SLCO5A1: variants seen among roughly 807,000 people sequenced by gnomAD.
The protein encoded by SLCO5A1 is organic anion transporter polypeptide-related protein 4.
Under a neutral mutation model 65.1 loss-of-function variants are expected in SLCO5A1, and 39 were observed. That is an observed-to-expected ratio of 0.60 (90% confidence interval 0.46 to 0.78). The LOEUF (loss-of-function observed/expected upper bound fraction) is 0.78, where lower values mean the gene tolerates loss of function less well. Ranked by LOEUF, SLCO5A1 falls within the 30% of genes least tolerant of loss-of-function variation. The pLI is 0.00. For synonymous variants in SLCO5A1, 438 were observed against 415.7 expected (o/e 1.05, Z -0.65); for missense variants, 1,029 against 1,069.4 (o/e 0.96, Z 0.53).
chr8:69,717,439 C>T (rs543949400), intron 5 of SLCO5A1, among the ~76,000 whole-genome samples: 6 of 152,264 alleles, frequency 3.9e-5, no homozygotes, highest in African/African-American at 1.4e-4. Flanking sequence ...GGGTCTCTAC[C>T]CTATTTTACT....
At chr8:69,683,096 A>G (rs1696879183) in intron 6 of SLCO5A1, among the ~76,000 whole-genome samples, 1 of 152,188 alleles carries the variant, frequency 6.6e-6, no homozygotes, top group Admixed American at 6.5e-5. Context: ...TTCAGGCAAC[A>G]AATATAGAGG....
intron 2 of SLCO5A1, among the ~76,000 whole-genome samples, chr8:69,777,813 AC>A (rs2130879749): frequency 6.6e-6 from 1 of 152,306 alleles, no homozygotes; most frequent in Non-Finnish European, 1.5e-5. Flanking sequence ...GGTCGTCGTG[AC>A]TGGATGCCAG....
At chr8:69,691,503 C>T (rs146582231) in intron 6 of SLCO5A1, among the ~76,000 whole-genome samples, 348 of 152,246 alleles carry the variant, frequency 2.3e-3, no homozygotes, top group African/African-American at 8.0e-3. Context: ...AACCCTTTTC[C>T]CAATCGCCCC....
chr8:69,683,595 C>T (rs963886076), intron 6 of SLCO5A1, among the ~76,000 whole-genome samples: 4 of 151,422 alleles, frequency 2.6e-5, no homozygotes, highest in African/African-American at 4.9e-5. Context: ...AGGAGTCTCA[C>T]TCTGTCGCCC....
intron 2 of SLCO5A1, among the ~76,000 whole-genome samples, chr8:69,786,816 C>T (rs2130888643): frequency 6.6e-6 from 1 of 152,180 alleles, no homozygotes; most frequent in African/African-American, 2.4e-5. Flanking sequence ...GGAGAAAGCT[C>T]TAAATTAATG....
intron 6 of SLCO5A1, among the ~76,000 whole-genome samples, chr8:69,703,090 G>C (rs906049312): frequency 3.8e-4 from 55 of 144,174 alleles, no homozygotes; most frequent in Admixed American, 7.1e-4. Flanking sequence ...CAGCCTGGGG[G>C]ACAGAGAGAG....
intron 2 of SLCO5A1, among the ~76,000 whole-genome samples, chr8:69,808,603 A>G (rs1046555661): frequency 3.3e-5 from 5 of 152,138 alleles, no homozygotes; most frequent in East Asian, 1.9e-4. Flanking sequence ...CATCTTTGCT[A>G]TTGTGAATAG....
intron 6 of SLCO5A1, among the ~76,000 whole-genome samples, chr8:69,699,404 T>C (rs906218988): frequency 1.3e-5 from 2 of 152,158 alleles, no homozygotes; most frequent in Admixed American, 1.3e-4. Flanking sequence ...AGCAGGGCCC[T>C]AGCAGGAGAG....
rs1445550141 is a variant in SLCO5A1, at chr8:69,805,270, T to G, written c.907+26497A>C. ...GATTTCTAAAACAAACCAAAAACTC[T>G]CACAGGGAAATCCCAATGGCCACTC... is the stretch of plus-strand genomic sequence containing the variant. On this transcript the variant is annotated intron_variant, in intron 2 of 9. Transcript: ENST00000260126. Among the ~76,000 whole-genome samples the G allele has an allele frequency of 4.6e-5, 7 of 152,056 alleles. No individual in the cohort carries two copies. In the East Asian group the frequency reaches 1.2e-3, roughly 25 times the overall value.
At position 69,671,336 on chromosome 8, in the gene SLCO5A1, G is replaced by A. The variant is rs1261741160; in HGVS notation, c.*1533C>T. 1.3e-5 allele frequency: 2 copies of A among 152,218 alleles called. No individual in the cohort carries two copies. Among genetic ancestry groups the A allele is most frequent in the African/African-American group, 4.8e-5 (2 of 41,432 alleles). 9.4% of individuals were successfully genotyped at this position (152,218 alleles called of 1,614,324 possible). A position where few individuals can be genotyped will look rare whatever the true frequency, so the allele number is the denominator to read the frequency against. On this transcript the variant is annotated 3_prime_UTR_variant, in exon 10 of 10. Transcript: ENST00000260126. ...GTCTGTCAATCACATCTCTTCTGGG[G>A]ATAAGGGTAAACCAGAAGAGAAAAA...
chr8:69,747,824 T>C (rs1817108508), intron 4 of SLCO5A1, among the ~76,000 whole-genome samples: 1 of 152,248 alleles, frequency 6.6e-6, no homozygotes, highest in Non-Finnish European at 1.5e-5. Context: ...TAGTAACTTC[T>C]ATGGCCTGTG....
intron 5 of SLCO5A1, among the ~76,000 whole-genome samples, chr8:69,726,469 T>C (rs572720430): frequency 1.5e-4 from 23 of 151,886 alleles, no homozygotes; most frequent in African/African-American, 5.1e-4. Flanking sequence ...ATCAAGTCTC[T>C]TGCTTTCTCT....
chr8:69,824,024 C>T (rs1282257093), intron 2 of SLCO5A1, among the ~76,000 whole-genome samples: 3 of 152,228 alleles, frequency 2.0e-5, no homozygotes, highest in African/African-American at 4.8e-5. Flanking sequence ...TCCTGAATGA[C>T]TACTGGGTAC....
At chr8:69,787,217 A>G (rs190545533) in intron 2 of SLCO5A1, among the ~76,000 whole-genome samples, 8 of 152,336 alleles carry the variant, frequency 5.3e-5, no homozygotes, top group African/African-American at 1.9e-4. Flanking sequence ...TACATTTCTG[A>G]CCAATCAAGA....
chr8:69,696,044 T>C (rs1265088997), intron 6 of SLCO5A1, among the ~76,000 whole-genome samples: 6 of 152,226 alleles, frequency 3.9e-5, no homozygotes, highest in African/African-American at 7.2e-5. Flanking sequence ...TTGGAACTCA[T>C]ACATTTGTAA....
At chr8:69,693,310 T>G (rs1456712160) in intron 6 of SLCO5A1, among the ~76,000 whole-genome samples, 1 of 152,226 alleles carries the variant, frequency 6.6e-6, no homozygotes. Context: ...ACAAAAAGAC[T>G]GTGATTCCAT....
chr8:69,826,712 G>C (rs1193375713), intron 2 of SLCO5A1, among the ~76,000 whole-genome samples: 2 of 152,186 alleles, frequency 1.3e-5, no homozygotes, highest in African/African-American at 2.4e-5. Context: ...ATGTAAACTA[G>C]TTCAACCATT....
At chr8:69,783,959 T>G (rs1166152533) in intron 2 of SLCO5A1, among the ~76,000 whole-genome samples, 1 of 152,150 alleles carries the variant, frequency 6.6e-6, no homozygotes, top group African/African-American at 2.4e-5. Flanking sequence ...ACTTCTCTGG[T>G]GGGACTCTTC....
intron 6 of SLCO5A1, 108 bp from the exon 7 acceptor site, chr8:69,682,451 T>G: frequency 8.6e-7 from 1 of 1,161,998 alleles, no homozygotes; most frequent in Non-Finnish European, 1.1e-6. Context: ...ATTCTTCCCA[T>G]TGAATCAAAG....
Sources: gnomAD v4.1 joint callset for allele counts (sites outside exome capture counted in the v4.1 genomes callset) on GRCh38, gnomAD v4.1.1 for gene constraint, MANE v1.5 for transcripts, NCBI Gene and HGNC (gene_info 2026-07-23, HGNC 2026-07-21) for gene names.